EIF3H: variants seen among roughly 807,000 people sequenced by gnomAD.
EIF3H encodes eIF-3-gamma.
In EIF3H, 26 loss-of-function variants were observed where a neutral mutation model predicts 44.2. The observed-to-expected ratio is 0.59, with a 90% CI of 0.43 to 0.82. The LOEUF (loss-of-function observed/expected upper bound fraction) is 0.82, where lower values mean the gene tolerates loss of function less well. Among genes scored for constraint, EIF3H ranks in the 40% least tolerant of loss-of-function variants. The probability of loss-of-function intolerance (pLI) is 0.00; values close to 1 mark genes in which losing one functional copy is unlikely to be tolerated. For synonymous variants in EIF3H, 166 were observed against 151.9 expected (o/e 1.09, Z -0.68); for missense variants, 359 against 432.8 (o/e 0.83, Z 1.51).
At chr8:116,678,008 G>A (rs1382283567) in intron 2 of EIF3H, among the ~76,000 whole-genome samples, 1 of 152,088 alleles carries the variant, frequency 6.6e-6, no homozygotes, top group Non-Finnish European at 1.5e-5. Flanking sequence ...CCCTTCCCAC[G>A]GTCTCCTTCC....
At chr8:116,700,358 C>T (rs914145465) in intron 2 of EIF3H, among the ~76,000 whole-genome samples, 10 of 152,122 alleles carry the variant, frequency 6.6e-5, no homozygotes, top group Middle Eastern at 3.2e-3. Flanking sequence ...TGAATGCAGC[C>T]AAACACAAAT....
At chr8:116,704,344 C>T (rs1814432232) in intron 2 of EIF3H, among the ~76,000 whole-genome samples, 1 of 152,208 alleles carries the variant, frequency 6.6e-6, no homozygotes, top group African/African-American at 2.4e-5. Flanking sequence ...ATGACACGTG[C>T]TCAACGAATG....
intron 2 of EIF3H, among the ~76,000 whole-genome samples, chr8:116,663,634 A>C (rs976005447): frequency 4.9e-4 from 75 of 152,170 alleles, no homozygotes; most frequent in Non-Finnish European, 7.4e-5. Flanking sequence ...CATAAATTTC[A>C]AAGACAAACT....
chr8:116,754,860 C>T (rs1252795712), intron 1 of EIF3H, among the ~76,000 whole-genome samples: 2 of 152,178 alleles, frequency 1.3e-5, no homozygotes, highest in African/African-American at 2.4e-5. Context: ...TTTAAAAGTA[C>T]TTTCTTATTA....
chr8:116,715,052 G>A (rs1814639569), intron 2 of EIF3H, among the ~76,000 whole-genome samples: 1 of 152,030 alleles, frequency 6.6e-6, no homozygotes, highest in Non-Finnish European at 1.5e-5. Context: ...AACTTGCACA[G>A]AGAGCACTGC....
chr8:116,694,630 T>C (rs187645048), intron 2 of EIF3H, among the ~76,000 whole-genome samples: 11 of 152,372 alleles, frequency 7.2e-5, no homozygotes, highest in East Asian at 5.8e-4. Context: ...GTGTCATACA[T>C]AGAAAGGTCA....
intron 2 of EIF3H, among the ~76,000 whole-genome samples, chr8:116,724,105 T>G (rs1346713504): frequency 6.6e-6 from 1 of 152,120 alleles, no homozygotes; most frequent in Non-Finnish European, 1.5e-5. Context: ...AAGACAGACA[T>G]ACAGACCAGT....
At chr8:116,673,078 C>T (rs895969706) in intron 2 of EIF3H, among the ~76,000 whole-genome samples, 6 of 151,300 alleles carry the variant, frequency 4.0e-5, no homozygotes, top group Non-Finnish European at 8.8e-5. Context: ...ATTTGTACCT[C>T]TCCCCAGGGT....
intron 5 of EIF3H, among the ~76,000 whole-genome samples, chr8:116,651,794 AAG>A (rs1813398488): frequency 6.6e-6 from 1 of 152,238 alleles, no homozygotes; most frequent in Non-Finnish European, 1.5e-5. Context: ...GACTGAGGAA[AAG>A]AGAGGCAGAC....
chr8:116,670,618 T>A (rs143010693), intron 2 of EIF3H, among the ~76,000 whole-genome samples: 1 of 152,210 alleles, frequency 6.6e-6, no homozygotes, highest in Non-Finnish European at 1.5e-5. Context: ...CAAGGTGATA[T>A]GACCAGAGAC....
chr8:116,670,488 C>A (rs961751689), intron 2 of EIF3H, among the ~76,000 whole-genome samples: 2 of 152,154 alleles, frequency 1.3e-5, no homozygotes, highest in African/African-American at 2.4e-5. Flanking sequence ...CCTTCTCCTA[C>A]CAAAAACACA....
intron 1 of EIF3H, among the ~76,000 whole-genome samples, chr8:116,735,397 T>C (rs1437797277): frequency 6.6e-6 from 1 of 152,162 alleles, no homozygotes; most frequent in African/African-American, 2.4e-5. Flanking sequence ...ACCAAATGAC[T>C]ATACCTAGTC....
intron 1 of EIF3H, among the ~76,000 whole-genome samples, chr8:116,740,656 T>C (rs775240604): frequency 1.3e-5 from 2 of 152,100 alleles, no homozygotes; most frequent in Non-Finnish European, 2.9e-5. Flanking sequence ...CTAGAAATCT[T>C]TATTTCTTTG....
chr8:116,741,124 A>G (rs1303821254), intron 1 of EIF3H, among the ~76,000 whole-genome samples: 2 of 151,886 alleles, frequency 1.3e-5, no homozygotes, highest in Non-Finnish European at 2.9e-5. Context: ...TAGAATTGTC[A>G]TATTTCACCT....
intron 4 of EIF3H, among the ~76,000 whole-genome samples, chr8:116,656,882 C>T (rs1813499624): frequency 6.6e-6 from 1 of 152,140 alleles, no homozygotes. Context: ...ACACAGCTCA[C>T]AACCAGTCTG....
intron 1 of EIF3H, among the ~76,000 whole-genome samples, chr8:116,733,180 T>C (rs1814980237): frequency 6.6e-6 from 1 of 152,146 alleles, no homozygotes; most frequent in South Asian, 2.1e-4. Context: ...AGGACACAAA[T>C]GAAAAGCCAG....
At chr8:116,704,893 C>T (rs570563024) in intron 2 of EIF3H, among the ~76,000 whole-genome samples, 3 of 151,950 alleles carry the variant, frequency 2.0e-5, no homozygotes, top group Non-Finnish European at 4.4e-5. Context: ...GTAGCTCTCA[C>T]GTTGACAGTG....
chr8:116,647,172 G>A (rs995130653), intron 6 of EIF3H, among the ~76,000 whole-genome samples: 8 of 151,420 alleles, frequency 5.3e-5, no homozygotes, highest in African/African-American at 9.8e-5. Context: ...TGCAGCCTCC[G>A]CCTCTCCGCC....
At chr8:116,688,370 C>T (rs563784165) in intron 2 of EIF3H, among the ~76,000 whole-genome samples, 1 of 152,080 alleles carries the variant, frequency 6.6e-6, no homozygotes, top group Middle Eastern at 3.4e-3. Flanking sequence ...AAAATGGGAA[C>T]AGCCAAAATC....
Sources: gnomAD v4.1 joint callset for allele counts (sites outside exome capture counted in the v4.1 genomes callset) on GRCh38, gnomAD v4.1.1 for gene constraint, MANE v1.5 for transcripts, NCBI Gene and HGNC (gene_info 2026-07-23, HGNC 2026-07-21) for gene names.